Variants in BNC2 observed in about 807,000 individuals in gnomAD.
BNC2 encodes the protein zinc finger protein basonuclin-2.
In BNC2, 20 loss-of-function variants were observed where a neutral mutation model predicts 76.3. The observed-to-expected ratio is 0.26, with a 90% CI of 0.18 to 0.38. BNC2 has a LOEUF of 0.38. BNC2 is among the 10% of genes least tolerant of loss of function. The pLI is 1.00. For synonymous variants in BNC2, 582 were observed against 514.8 expected (o/e 1.13, Z -1.77); for missense variants, 1,382 against 1,399.8 (o/e 0.99, Z 0.20).
intron 3 of BNC2, among the ~76,000 whole-genome samples, chr9:16,605,784 CTTT>C (rs34431220): frequency 1.7e-4 from 19 of 110,738 alleles, no homozygotes; most frequent in Admixed American, 3.8e-4. Flanking sequence ...TTCAAGAATT[CTTT>C]TTTTTTTTTT....
At chr9:16,823,013 G>A (rs1051107442) in intron 1 of BNC2, among the ~76,000 whole-genome samples, 1 of 152,068 alleles carries the variant, frequency 6.6e-6, no homozygotes, top group Non-Finnish European at 1.5e-5. Flanking sequence ...TCTCATCAAT[G>A]TAATGTCCTC....
chr9:16,733,618 T>C (rs1824576750), intron 2 of BNC2, among the ~76,000 whole-genome samples: 1 of 152,180 alleles, frequency 6.6e-6, no homozygotes, highest in African/African-American at 2.4e-5. Flanking sequence ...TTAACTCTGT[T>C]GGCATGGAGC....
rs771808737 is a variant in BNC2, at chr9:16,480,281, C to T, written c.670-42757G>A. ...AGCCTCTCTAGCAAACAAAAACAAC[C>T]CTCTGCCTGATGAAAACCCAATCTG... is the stretch of plus-strand genomic sequence containing the variant. On this transcript the variant is annotated intron_variant, in intron 5 of 6. Transcript: ENST00000380672. Among the ~76,000 whole-genome samples, 3 of 152,344 alleles carry T rather than the reference C, an allele frequency of 2.0e-5. No homozygotes were observed. In the South Asian group the frequency reaches 6.2e-4, roughly 32 times the overall value.
At chr9:16,732,484 T>A (rs963886756) in intron 2 of BNC2, among the ~76,000 whole-genome samples, 1 of 152,188 alleles carries the variant, frequency 6.6e-6, no homozygotes, top group Non-Finnish European at 1.5e-5. Context: ...TTTTTCTGTC[T>A]CCAACAATGT....
chr9:16,796,729 G>C (rs112849044), intron 1 of BNC2, among the ~76,000 whole-genome samples: 2 of 152,292 alleles, frequency 1.3e-5, no homozygotes, highest in African/African-American at 4.8e-5. Context: ...TGTTTCAAGA[G>C]AATGTACTTG....
At chr9:16,704,756 G>C (rs944042663) in intron 3 of BNC2, 1 of 148,684 alleles carries the variant, frequency 6.7e-6, no homozygotes, top group South Asian at 2.2e-4. Flanking sequence ...ACAGTACCAT[G>C]AGCTGCAGCG....
chr9:16,599,267 G>C (rs1355941132), intron 3 of BNC2, among the ~76,000 whole-genome samples: 2 of 152,172 alleles, frequency 1.3e-5, no homozygotes, highest in Non-Finnish European at 1.5e-5. Context: ...TCATATTCAA[G>C]TAATTTGGAG....
At chr9:16,588,543 C>A (rs2133134111) in intron 3 of BNC2, among the ~76,000 whole-genome samples, 1 of 151,894 alleles carries the variant, frequency 6.6e-6, no homozygotes, top group Middle Eastern at 3.4e-3. Flanking sequence ...ATTTCCATTA[C>A]CTGTAGAAAA....
At chr9:16,682,188 A>G (rs1025911198) in intron 3 of BNC2, among the ~76,000 whole-genome samples, 18 of 151,434 alleles carry the variant, frequency 1.2e-4, no homozygotes, top group Non-Finnish European at 2.1e-4. Context: ...AAAAATATAG[A>G]GAATTTGCTG....
At position 16,794,901 on chromosome 9, in the gene BNC2, A is replaced by G. The variant is rs200577662; in HGVS notation, c.4-56416T>C. Among the ~76,000 whole-genome samples, 50 of 80,516 alleles carry G rather than the reference A, an allele frequency of 6.2e-4. 1 individual carries two copies. In the South Asian group the frequency reaches 0.011, roughly 17 times the overall value. 52.8% of individuals were successfully genotyped at this position (80,516 alleles called of 152,430 possible). A position where few individuals can be genotyped will look rare whatever the true frequency, so the allele number is the denominator to read the frequency against. On this transcript the variant is annotated intron_variant, in intron 1 of 6. Coordinates refer to ENST00000380672, the MANE Select transcript of BNC2 (RefSeq NM_017637.6). ...ATTACAACAGCTTATCTGATGGGGG[A>G]AAAAAAAAACCCATGCAAGATATAT... is the stretch of plus-strand genomic sequence containing the variant.
At chr9:16,421,869 ATTATTT>A (rs1162683010) in intron 6 of BNC2, among the ~76,000 whole-genome samples, 1 of 150,880 alleles carries the variant, frequency 6.6e-6, no homozygotes, top group African/African-American at 2.5e-5. Flanking sequence ...CTACCCGTTT[ATTATTT>A]TTAACACCCT....
chr9:16,598,687 T>C (rs1820161047), intron 3 of BNC2, among the ~76,000 whole-genome samples: 1 of 152,170 alleles, frequency 6.6e-6, no homozygotes. Flanking sequence ...GAAAAGCATA[T>C]GTTCCCCTCC....
intron 5 of BNC2, among the ~76,000 whole-genome samples, chr9:16,536,910 G>C: frequency 6.6e-6 from 1 of 152,056 alleles, no homozygotes; most frequent in South Asian, 2.1e-4. Flanking sequence ...CTCAAGGTTA[G>C]TTCGGCTATA....
chr9:16,743,822 G>C (rs957199192), intron 1 of BNC2, among the ~76,000 whole-genome samples: 13 of 152,168 alleles, frequency 8.5e-5, no homozygotes, highest in African/African-American at 2.7e-4. Context: ...AAACCATAAA[G>C]AGGCTTATGG....
chr9:16,861,024 C>G (rs1389252422), intron 1 of BNC2, among the ~76,000 whole-genome samples: 1 of 120,012 alleles, frequency 8.3e-6, no homozygotes, highest in African/African-American at 2.9e-5. Context: ...AGCGCCAGAG[C>G]AAGACTCTGT....
At chr9:16,699,827 T>C (rs887022639) in intron 3 of BNC2, among the ~76,000 whole-genome samples, 1 of 152,232 alleles carries the variant, frequency 6.6e-6, no homozygotes, top group Non-Finnish European at 1.5e-5. Flanking sequence ...CTCTTCTCAC[T>C]ATATTCATGA....
At chr9:16,596,196 T>C (rs775235895) in intron 3 of BNC2, among the ~76,000 whole-genome samples, 6 of 152,152 alleles carry the variant, frequency 3.9e-5, no homozygotes, top group Non-Finnish European at 7.4e-5. Context: ...TACAAATTCA[T>C]GTTTTAAAGA....
intron 1 of BNC2, among the ~76,000 whole-genome samples, chr9:16,840,530 T>C (rs141568877): frequency 1.4e-4 from 22 of 152,320 alleles, no homozygotes; most frequent in Middle Eastern, 3.4e-3. Flanking sequence ...TTTAATGTCA[T>C]GATGGCAAAA....
chr9:16,843,190 G>GT (rs1297802251), intron 1 of BNC2, among the ~76,000 whole-genome samples: 2 of 152,146 alleles, frequency 1.3e-5, no homozygotes, highest in African/African-American at 4.8e-5. Flanking sequence ...ACCATATTCA[G>GT]TAGCAGAATC....
Sources: gnomAD v4.1 joint callset for allele counts (sites outside exome capture counted in the v4.1 genomes callset) on GRCh38, gnomAD v4.1.1 for gene constraint, MANE v1.5 for transcripts, NCBI Gene and HGNC (gene_info 2026-07-23, HGNC 2026-07-21) for gene names.